LRRC4C: variants seen among roughly 807,000 people sequenced by gnomAD.
LRRC4C encodes leucine-rich repeat-containing protein 4C.
In LRRC4C, 5 loss-of-function variants were observed where a neutral mutation model predicts 33.6. The ratio of observed to expected loss-of-function variants is 0.15; its 90% confidence interval spans 0.08 to 0.31. The LOEUF (loss-of-function observed/expected upper bound fraction) is 0.31, where lower values mean the gene tolerates loss of function less well. Among genes scored for constraint, LRRC4C ranks in the 10% least tolerant of loss-of-function variants. LRRC4C has a pLI of 1.00. For missense variants in LRRC4C, 560 were observed against 796.7 expected, an observed-to-expected ratio of 0.70 and a Z score of 3.58; for synonymous variants, 329 against 302.0, an observed-to-expected ratio of 1.09 and a Z score of -0.93.
chr11:40,591,544 G>C (rs1048127318), intron 3 of LRRC4C, among the ~76,000 whole-genome samples: 21 of 152,264 alleles, frequency 1.4e-4, no homozygotes, highest in Admixed American at 1.2e-3. Context: ...CAACTTCTCA[G>C]GTGTGTTTTA....
intron 1 of LRRC4C, among the ~76,000 whole-genome samples, chr11:41,310,985 C>T (rs1950628632): frequency 6.6e-6 from 1 of 152,170 alleles, no homozygotes. Flanking sequence ...CCTTCACACA[C>T]ACAAGTATTA....
At chr11:40,849,088 C>CTCTT (rs1330738426) in intron 2 of LRRC4C, among the ~76,000 whole-genome samples, 1 of 151,340 alleles carries the variant, frequency 6.6e-6, no homozygotes, top group Non-Finnish European at 1.5e-5. Flanking sequence ...TGGTTCTTGA[C>CTCTT]TATCCAATTT....
intron 1 of LRRC4C, among the ~76,000 whole-genome samples, chr11:41,134,798 A>C (rs1943182350): frequency 6.6e-6 from 1 of 152,146 alleles, no homozygotes; most frequent in Admixed American, 6.6e-5. Flanking sequence ...GAAGAAGTGA[A>C]GGTTAGGACA....
At chr11:41,112,851 G>A (rs982445336) in intron 1 of LRRC4C, among the ~76,000 whole-genome samples, 1 of 151,978 alleles carries the variant, frequency 6.6e-6, no homozygotes, top group Non-Finnish European at 1.5e-5. Flanking sequence ...CACTAATGTG[G>A]TAGAAAAACA....
intron 2 of LRRC4C, among the ~76,000 whole-genome samples, chr11:40,662,662 G>GCAGT (rs1051715535): frequency 1.3e-5 from 2 of 152,170 alleles, no homozygotes; most frequent in Admixed American, 1.3e-4. Context: ...TTGTCTAAGT[G>GCAGT]CAGTAGTGGT....
At chr11:40,637,864 A>C (rs1458547057) in intron 3 of LRRC4C, among the ~76,000 whole-genome samples, 1 of 152,116 alleles carries the variant, frequency 6.6e-6, no homozygotes, top group Non-Finnish European at 1.5e-5. Context: ...ACCTTATTCC[A>C]GTTCTTCCCA....
chr11:41,263,849 G>A (rs1949061518), intron 1 of LRRC4C, among the ~76,000 whole-genome samples: 1 of 152,076 alleles, frequency 6.6e-6, no homozygotes, highest in Non-Finnish European at 1.5e-5. Flanking sequence ...TACATAGGAT[G>A]ACTGAACAGA....
At chr11:40,196,020 C>T (rs1015638362) in intron 5 of LRRC4C, among the ~76,000 whole-genome samples, 2 of 152,226 alleles carry the variant, frequency 1.3e-5, no homozygotes, top group Admixed American at 6.5e-5. Context: ...CCATAGGAAT[C>T]GTAAAGCTTA....
At chr11:41,303,223 G>A (rs1305891488) in intron 1 of LRRC4C, among the ~76,000 whole-genome samples, 15 of 149,726 alleles carry the variant, frequency 1.0e-4, no homozygotes, top group African/African-American at 2.7e-4. Context: ...TCAGTCTACC[G>A]AATGCCTGCG....
chr11:41,282,784 C>T (rs1052999381), intron 1 of LRRC4C, among the ~76,000 whole-genome samples: 1 of 152,146 alleles, frequency 6.6e-6, no homozygotes, highest in Non-Finnish European at 1.5e-5. Context: ...CATCTGAATC[C>T]GAGGCCTCCA....
At chr11:40,927,287 T>A (rs1266360988) in intron 2 of LRRC4C, among the ~76,000 whole-genome samples, 3 of 151,174 alleles carry the variant, frequency 2.0e-5, no homozygotes, top group African/African-American at 4.9e-5. Context: ...AGCAGAAGAA[T>A]CACTTGAACC....
chr11:40,967,897 T>A (rs1053835513), intron 1 of LRRC4C, among the ~76,000 whole-genome samples: 11 of 151,890 alleles, frequency 7.2e-5, no homozygotes, highest in Admixed American at 7.2e-4. Flanking sequence ...ATGAGACCAA[T>A]TAATAAGCTA....
chr11:40,775,367 G>A (rs368243980), intron 2 of LRRC4C, among the ~76,000 whole-genome samples: 10 of 151,722 alleles, frequency 6.6e-5, no homozygotes, highest in South Asian at 6.2e-4. Flanking sequence ...CCTAGATTGC[G>A]CCACTGCACT....
At chr11:41,167,932 GA>G (rs1159211447) in intron 1 of LRRC4C, among the ~76,000 whole-genome samples, 24 of 152,290 alleles carry the variant, frequency 1.6e-4, no homozygotes, top group African/African-American at 5.8e-4. Context: ...GTACATACCA[GA>G]AATTGACTAC....
At chr11:40,487,006 A>G (rs1261824678) in intron 3 of LRRC4C, among the ~76,000 whole-genome samples, 2 of 151,998 alleles carry the variant, frequency 1.3e-5, no homozygotes, top group African/African-American at 4.8e-5. Flanking sequence ...CAAATAGGGG[A>G]AGCCGATAGG....
At chr11:40,886,059 C>G (rs1955438271) in intron 2 of LRRC4C, among the ~76,000 whole-genome samples, 1 of 151,972 alleles carries the variant, frequency 6.6e-6, no homozygotes, top group South Asian at 2.1e-4. Flanking sequence ...GTCAGTGGCA[C>G]CTTGCTCCTT....
At chr11:40,671,271 T>C (rs1270223004) in intron 2 of LRRC4C, among the ~76,000 whole-genome samples, 1 of 152,222 alleles carries the variant, frequency 6.6e-6, no homozygotes, top group African/African-American at 2.4e-5. Flanking sequence ...TTAGCAACCA[T>C]TTTAGAAAAT....
At chr11:40,226,531 T>C (rs1864808903) in intron 5 of LRRC4C, among the ~76,000 whole-genome samples, 1 of 152,220 alleles carries the variant, frequency 6.6e-6, no homozygotes, top group Non-Finnish European at 1.5e-5. Flanking sequence ...TCTGTGATCT[T>C]TCATACAACA....
chr11:40,236,140 G>A (rs543773062), intron 5 of LRRC4C, among the ~76,000 whole-genome samples: 1 of 150,224 alleles, frequency 6.7e-6, no homozygotes, highest in African/African-American at 2.4e-5. Context: ...CAGGAAAAAA[G>A]CTCTAAGACC....
Sources: gnomAD v4.1 joint callset for allele counts (sites outside exome capture counted in the v4.1 genomes callset) on GRCh38, gnomAD v4.1.1 for gene constraint, MANE v1.5 for transcripts, NCBI Gene and HGNC (gene_info 2026-07-23, HGNC 2026-07-21) for gene names.